Variants in GREB1 observed in about 807,000 individuals in gnomAD.
GREB1 encodes protein GREB1.
In GREB1, 106 loss-of-function variants were observed where a neutral mutation model predicts 200.7. The observed-to-expected ratio is 0.53, with a 90% CI of 0.45 to 0.62. The LOEUF is 0.62. GREB1 is among the 20% of genes least tolerant of loss of function. The pLI, the probability that GREB1 is intolerant of heterozygous loss-of-function variation, is 0.00. For missense variants in GREB1, 2,243 were observed against 2,556.8 expected, an observed-to-expected ratio of 0.88 and a Z score of 2.65; for synonymous variants, 1,132 against 1,092.4, an observed-to-expected ratio of 1.04 and a Z score of -0.72.
At chr2:11,588,575 G>A in intron 9 of GREB1, 171 bp from the exon 10 acceptor site, 1 of 699,408 alleles carries the variant, frequency 1.4e-6, no homozygotes, top group Non-Finnish European at 2.6e-6. Flanking sequence ...CTAGGCTCCA[G>A]GAGGGTGAGC....
chr2:11,625,936 T>C (rs965896145), intron 24 of GREB1, among the ~76,000 whole-genome samples: 3 of 152,126 alleles, frequency 2.0e-5, no homozygotes, highest in African/African-American at 7.2e-5. Context: ...ACGTCTTATA[T>C]AGCAGCAGGC....
At chr2:11,567,189 G>A (rs1677759551) in intron 4 of GREB1, among the ~76,000 whole-genome samples, 1 of 152,116 alleles carries the variant, frequency 6.6e-6, no homozygotes, top group African/African-American at 2.4e-5. Context: ...AGTGTTTACT[G>A]TCTCAGCTCA....
chr2:11,508,733 A>G lies in GREB1; in HGVS notation c.-159+26352A>G, dbSNP rs1313016898. ...CACCGTGTTGAAGATTTCTCTTTCT[A>G]GATCCACAGCATTTCAAATCATTGT... On this transcript the variant is annotated intron_variant, in intron 1 of 2. Transcript: ENST00000628795. Among the ~76,000 whole-genome samples the G allele has an allele frequency of 2.0e-5, 3 of 152,188 alleles. No homozygotes were observed. In the East Asian group the frequency reaches 5.8e-4, roughly 29 times the overall value.
chr2:11,542,246 A>C (rs927380753), intron 1 of GREB1, among the ~76,000 whole-genome samples: 3 of 152,160 alleles, frequency 2.0e-5, no homozygotes, highest in Non-Finnish European at 4.4e-5. Flanking sequence ...TGCTTCTCAC[A>C]GGGCAGGCAT....
chr2:11,597,080 G>A lies in GREB1; in HGVS notation c.1955-701G>A, dbSNP rs755181512. Among the ~76,000 whole-genome samples, 14 of 152,028 alleles carry A rather than the reference G, an allele frequency of 9.2e-5. No homozygotes were observed. The highest frequency in any genetic ancestry group is 1.8e-4 in the Non-Finnish European group (12 of 67,968). On this transcript the variant is annotated intron_variant, in intron 13 of 32. Coordinates refer to ENST00000381486, the MANE Select transcript of GREB1 (RefSeq NM_014668.4). This position sits in a 1 kb window ranked among gnomAD's most constrained non-coding sequence, Gnocchi z 4.1. ...AGGGCAGTGGGCACAGGTGTGCTAA[G>A]TGGGTGCTGAGGGGACAGAGGGCTC...
At chr2:11,619,464 G>A (rs759829300) in intron 22 of GREB1, among the ~76,000 whole-genome samples, 3 of 152,070 alleles carry the variant, frequency 2.0e-5, no homozygotes, top group Non-Finnish European at 4.4e-5. Context: ...GCTGGGATGC[G>A]GTTCAGTATC....
intron 10 of GREB1, among the ~76,000 whole-genome samples, chr2:11,590,533 C>CCCTTATGT (rs1284890558): frequency 6.6e-6 from 1 of 152,192 alleles, no homozygotes; most frequent in Non-Finnish European, 1.5e-5. Flanking sequence ...GTGGCTTGCT[C>CCCTTATGT]CCTTATGTCC....
chr2:11,563,516 T>C (rs1677299299), intron 3 of GREB1, among the ~76,000 whole-genome samples: 1 of 152,232 alleles, frequency 6.6e-6, no homozygotes, highest in Non-Finnish European at 1.5e-5. Flanking sequence ...TTCATCTGTC[T>C]GACACCATGT....
chr2:11,582,420 C>T (rs1679587069), intron 7 of GREB1, among the ~76,000 whole-genome samples: 1 of 152,238 alleles, frequency 6.6e-6, no homozygotes, highest in African/African-American at 2.4e-5. Flanking sequence ...TGAGCTCCCC[C>T]ACCCCCATGG....
Position 11,612,744 on chromosome 2 carries a change from G to T in GREB1, c.3122+134G>T. 5.0e-6 allele frequency: 3 copies of T among 599,080 alleles called. No homozygotes were observed. In the South Asian group the frequency reaches 6.0e-5, roughly 12 times the overall value. The allele number at this position is 599,080 out of a possible 1,614,324, so 37.1% of individuals were successfully genotyped here. A position where few individuals can be genotyped will look rare whatever the true frequency, so the allele number is the denominator to read the frequency against. ...TCACATTCACAGGCCCCGTGGGTGG[G>T]GCCTTCATCGTGGCTTTCCCAGCAT... is the stretch of plus-strand genomic sequence containing the variant. On this transcript the variant is annotated intron_variant, in intron 19 of 32. Coordinates refer to ENST00000381486, the MANE Select transcript of GREB1 (RefSeq NM_014668.4).
At chr2:11,636,034 A>C (rs535203802) in intron 30 of GREB1, among the ~76,000 whole-genome samples, 3 of 152,278 alleles carry the variant, frequency 2.0e-5, no homozygotes, top group Non-Finnish European at 2.9e-5. Context: ...CCCAGGCTCT[A>C]TCCCTCCTTG....
Position 11,640,560 on chromosome 2 carries a change from C to A in GREB1, c.*106C>A. On this transcript the variant is annotated 3_prime_UTR_variant, in exon 33 of 33. Coordinates refer to ENST00000381486, the MANE Select transcript of GREB1 (RefSeq NM_014668.4). This position sits in a 1 kb window ranked among gnomAD's most constrained non-coding sequence, Gnocchi z 4.6. The stretch of plus-strand genomic sequence containing the variant: ...TGGGGCGTTTGACTGGAATGGACCC[C>A]AGGGACTGTCCAGGTGCAGCCCCTC... 7.6e-7 allele frequency: 1 copy of A among 1,319,142 alleles called. No homozygotes were observed. The highest frequency in any genetic ancestry group is 1.5e-5 in the African/African-American group (1 of 68,562). 81.7% of individuals were successfully genotyped at this position (1,319,142 alleles called of 1,614,324 possible).
chr2:11,601,269 T>TGGA (rs1681756464), intron 16 of GREB1, among the ~76,000 whole-genome samples: 2 of 152,192 alleles, frequency 1.3e-5, no homozygotes, highest in Admixed American at 1.3e-4. Context: ...GCATGTGGAA[T>TGGA]GTTTGTTCTA....
chr2:11,513,701 T>C (rs1433774383), intron 1 of GREB1, among the ~76,000 whole-genome samples: 1 of 152,092 alleles, frequency 6.6e-6, no homozygotes, highest in Non-Finnish European at 1.5e-5. Context: ...AAAAAAGAAC[T>C]GTGGCTTCCT....
chr2:11,501,403 C>T (rs978181343), intron 1 of GREB1, among the ~76,000 whole-genome samples: 10 of 152,056 alleles, frequency 6.6e-5, no homozygotes, highest in East Asian at 5.8e-4. Context: ...GAAGGTGCTG[C>T]GTTTTTTTGA....
intron 1 of GREB1, among the ~76,000 whole-genome samples, chr2:11,534,536 G>A (rs116578117): frequency 0.012 from 1,768 of 152,206 alleles, 17 homozygotes; most frequent in Middle Eastern, 0.031. Context: ...GGGAGCGTGC[G>A]GCTTTCATAC....
At chr2:11,626,845 A>T in intron 24 of GREB1, 117 bp from the exon 25 acceptor site, 1 of 1,075,376 alleles carries the variant, frequency 9.3e-7, no homozygotes, top group Non-Finnish European at 1.4e-6. Flanking sequence ...GTCCTCCCCA[A>T]CCAGACAGAA....
Position 11,637,746 on chromosome 2 carries a change from G to T in GREB1, c.5377G>T (p.Ala1793Ser). 1.2e-6 allele frequency: 2 copies of T among 1,613,668 alleles called. No individual in the cohort carries two copies. The highest frequency in any genetic ancestry group is 8.5e-7 in the Non-Finnish European group (1 of 1,180,006). The change falls in exon 31 of 33, where the codon GCC (alanine) becomes TCC (serine). Residue 1793 changes from alanine to serine, a missense_variant. Coordinates refer to ENST00000381486, the MANE Select transcript of GREB1 (RefSeq NM_014668.4). ...TGATAACTCTGCCGCGGTCGTGCCG[G>T]CCCAGTACATCTGTGCCCCGGACAG... ...VSDNSAAVVP[A>S]QYICAPDSKH...
At chr2:11,591,370 TG>T in intron 10 of GREB1, 1 of 733,474 alleles carries the variant, frequency 1.4e-6, no homozygotes, top group South Asian at 1.5e-5. Flanking sequence ...ACCTTCTAAA[TG>T]GAAGCCTGAC....
Sources: gnomAD v4.1 joint callset for allele counts (sites outside exome capture counted in the v4.1 genomes callset) on GRCh38, gnomAD v4.1.1 for gene constraint, Gnocchi (gnomAD v3.1) non-coding constraint, MANE v1.5 for transcripts, NCBI Gene and HGNC (gene_info 2026-07-23, HGNC 2026-07-21) for gene names.